Variants in CYBRD1 observed in about 807,000 individuals in gnomAD.
CYBRD1 encodes cytochrome b reductase 1, also known as plasma membrane ascorbate-dependent reductase CYBRD1.
CYBRD1 carries 14 observed loss-of-function variants against 21.9 expected under a neutral mutation model. The observed-to-expected ratio is 0.64, with a 90% CI of 0.42 to 1.00. The LOEUF (loss-of-function observed/expected upper bound fraction) is 1.00, where lower values mean the gene tolerates loss of function less well. Among genes scored for constraint, CYBRD1 ranks in the 50% least tolerant of loss-of-function variants. The pLI, the probability that CYBRD1 is intolerant of heterozygous loss-of-function variation, is 0.00. For synonymous variants in CYBRD1, 146 were observed against 136.5 expected, an observed-to-expected ratio of 1.07 and a Z score of -0.48; for missense variants, 328 against 352.5, an observed-to-expected ratio of 0.93 and a Z score of 0.56.
chr2:171,532,797 T>C (rs1407312333), intron 1 of CYBRD1, among the ~76,000 whole-genome samples: 5 of 151,320 alleles, frequency 3.3e-5, no homozygotes, highest in Admixed American at 3.3e-4. Context: ...TGAGACTCTG[T>C]CTCAAAAAAA....
chr2:171,550,930 T>A (rs1390557015), intron 2 of CYBRD1: 1 of 177,718 alleles, frequency 5.6e-6, no homozygotes, highest in Non-Finnish European at 1.2e-5. Flanking sequence ...TTGTGCTATA[T>A]CCCTGAGCCC....
At chr2:171,528,151 T>C (rs1404245181) in intron 1 of CYBRD1, among the ~76,000 whole-genome samples, 1 of 152,132 alleles carries the variant, frequency 6.6e-6, no homozygotes, top group African/African-American at 2.4e-5. Flanking sequence ...AATGGTGTGA[T>C]TTGAGCTCAC....
intron 1 of CYBRD1, 136 bp from the exon 2 acceptor site, chr2:171,541,449 C>T: frequency 2.5e-6 from 2 of 798,146 alleles, no homozygotes; most frequent in South Asian, 1.6e-5. Context: ...GCAGGGGTAA[C>T]ATGGGGAAGA....
chr2:171,552,103 T>A (rs1683384584), intron 2 of CYBRD1, among the ~76,000 whole-genome samples: 1 of 152,210 alleles, frequency 6.6e-6, no homozygotes, highest in Non-Finnish European at 1.5e-5. Flanking sequence ...AGACTGTGTG[T>A]GAGCAAGAAA....
rs187856943 is a variant in CYBRD1, at chr2:171,544,776, G to A, written c.402+2983G>A. On this transcript the variant is annotated intron_variant, in intron 2 of 3. Transcript: ENST00000321348. Reference sequence around the variant, plus strand: ...AGCCAGTGCAGTACAGAATTCAAGTGTGTAGAAGTACTGAAGTATGTAGAA... The same window carrying A: ...AGCCAGTGCAGTACAGAATTCAAGTATGTAGAAGTACTGAAGTATGTAGAA... Among the ~76,000 whole-genome samples the A allele has an allele frequency of 7.2e-5, 11 of 152,242 alleles. No homozygotes were observed. In the East Asian group the frequency reaches 2.1e-3, roughly 29 times the overall value.
intron 1 of CYBRD1, among the ~76,000 whole-genome samples, chr2:171,524,921 C>T (rs955557864): frequency 2.0e-5 from 3 of 152,132 alleles, no homozygotes; most frequent in African/African-American, 7.2e-5. Flanking sequence ...ATCTGCTGCT[C>T]TTACGAAAAT....
intron 1 of CYBRD1, among the ~76,000 whole-genome samples, chr2:171,538,217 C>T (rs1236996215): frequency 1.3e-5 from 2 of 152,116 alleles, no homozygotes; most frequent in Non-Finnish European, 2.9e-5. Context: ...GAGCTGAGAT[C>T]GCACCATTGC....
At chr2:171,526,313 A>T (rs370868035) in intron 1 of CYBRD1, among the ~76,000 whole-genome samples, 13 of 152,116 alleles carry the variant, frequency 8.5e-5, no homozygotes, top group African/African-American at 3.1e-4. Flanking sequence ...CTAACATAGA[A>T]GTTACAAAAC....
intron 2 of CYBRD1, among the ~76,000 whole-genome samples, chr2:171,551,950 T>C (rs55901434): frequency 0.17 from 25,641 of 152,114 alleles, 2,261 homozygotes; most frequent in African/African-American, 0.19. Flanking sequence ...ATCATCATTT[T>C]TTTTTCTTGC....
chr2:171,522,726 A>C lies in CYBRD1; in HGVS notation c.181A>C (p.Ile61Leu). 1.9e-6 allele frequency: 3 copies of C among 1,613,420 alleles called. No individual in the cohort carries two copies. The highest frequency in any genetic ancestry group is 2.5e-6 in the Non-Finnish European group (3 of 1,179,884). The change falls in exon 1 of 4, where the codon ATC becomes CTC. Residue 61 changes from isoleucine (I) to leucine (L), a missense_variant. Coordinates refer to ENST00000321348, the MANE Select transcript of CYBRD1 (RefSeq NM_024843.4). This position sits in a 1 kb window ranked among gnomAD's most constrained non-coding sequence, Gnocchi z 4.3. ...GCTCATGGTCACCGGCTTCGTCTTC[A>C]TCCAGGGCATCGGTACTGGCACCTC... ...PVLMVTGFVFIQGIAIIVYRL... is the reference protein window; with the variant it reads ...PVLMVTGFVFLQGIAIIVYRL...
intron 1 of CYBRD1, among the ~76,000 whole-genome samples, chr2:171,539,034 G>A (rs1395102779): frequency 3.9e-5 from 6 of 152,086 alleles, no homozygotes; most frequent in Non-Finnish European, 7.4e-5. Flanking sequence ...CTGACCTCAG[G>A]TGATCCACCT....
At chr2:171,539,142 TA>T (rs1418889277) in intron 1 of CYBRD1, among the ~76,000 whole-genome samples, 1 of 152,156 alleles carries the variant, frequency 6.6e-6, no homozygotes, top group Non-Finnish European at 1.5e-5. Flanking sequence ...ATTAAAATTA[TA>T]AAAGCCTTTG....
At chr2:171,551,951 T>G (rs1396032423) in intron 2 of CYBRD1, among the ~76,000 whole-genome samples, 1 of 152,188 alleles carries the variant, frequency 6.6e-6, no homozygotes, top group Non-Finnish European at 1.5e-5. Context: ...TCATCATTTT[T>G]TTTTCTTGCT....
chr2:171,523,479 A>C (rs1168737261), intron 1 of CYBRD1, among the ~76,000 whole-genome samples: 1 of 152,192 alleles, frequency 6.6e-6, no homozygotes, highest in African/African-American at 2.4e-5. Context: ...TATGTGGCAG[A>C]AGAGTGGCGA....
At chr2:171,523,781 T>C (rs1242206372) in intron 1 of CYBRD1, among the ~76,000 whole-genome samples, 2 of 152,218 alleles carry the variant, frequency 1.3e-5, no homozygotes, top group Admixed American at 6.5e-5. Flanking sequence ...TGGAGGAACC[T>C]CTAGCTTTTG....
At chr2:171,548,068 T>TA (rs1468825596) in intron 2 of CYBRD1, among the ~76,000 whole-genome samples, 6 of 152,138 alleles carry the variant, frequency 3.9e-5, no homozygotes, top group East Asian at 1.9e-4. Context: ...ACGTCCCTTA[T>TA]AAAAAAACTA....
chr2:171,534,703 G>T (rs772273321), intron 1 of CYBRD1, among the ~76,000 whole-genome samples: 3 of 152,164 alleles, frequency 2.0e-5, no homozygotes, highest in Non-Finnish European at 4.4e-5. Context: ...TCAAATCTCT[G>T]CGAGCCACCT....
upstream of CYBRD1, chr2:171,522,457 C>T (rs552179587): frequency 9.1e-6 from 14 of 1,538,254 alleles, no homozygotes; most frequent in African/African-American, 6.9e-5. This position sits in a 1 kb window ranked among gnomAD's most constrained non-coding sequence, Gnocchi z 4.3. Context: ...AAGTCGACGC[C>T]CCGGTCCCGC....
chr2:171,533,759 T>G (rs1180951899), intron 1 of CYBRD1, among the ~76,000 whole-genome samples: 2 of 142,466 alleles, frequency 1.4e-5, no homozygotes, highest in Non-Finnish European at 3.0e-5. Flanking sequence ...TTTTCTTTTC[T>G]TTCTTTCTTT....
Sources: allele counts gnomAD v4.1 joint callset (sites outside exome capture counted in the v4.1 genomes callset), GRCh38; gene constraint gnomAD v4.1.1; non-coding constraint Gnocchi (gnomAD v3.1); transcripts MANE v1.5; gene names NCBI Gene and HGNC (gene_info 2026-07-23, HGNC 2026-07-21).